The following ALPK1 variants were observed in gnomAD, a reference collection of about 807,000 sequenced individuals.
ALPK1 encodes alpha kinase 1.
A neutral mutation model predicts 120.6 loss-of-function variants in ALPK1; 110 were observed. The ratio of observed to expected loss-of-function variants is 0.91; its 90% CI spans 0.78 to 1.07. The LOEUF is 1.07. Among genes scored for constraint, ALPK1 ranks in the 50% least tolerant of loss-of-function variants. The pLI, the probability that ALPK1 is intolerant of heterozygous loss-of-function variation, is 0.00. For missense variants in ALPK1, 1,498 were observed against 1,483.9 expected, an observed-to-expected ratio of 1.01 and a Z score of -0.16; for synonymous variants, 582 against 560.3, an observed-to-expected ratio of 1.04 and a Z score of -0.55.
intron 2 of ALPK1, among the ~76,000 whole-genome samples, chr4:112,350,252 C>T (rs1730293860): frequency 6.6e-6 from 1 of 152,198 alleles, no homozygotes; most frequent in Non-Finnish European, 1.5e-5. Context: ...AATTAACTTT[C>T]CTGGCTGTGA....
At chr4:112,422,173 C>T (rs1441301605) in intron 5 of ALPK1, among the ~76,000 whole-genome samples, 5 of 152,154 alleles carry the variant, frequency 3.3e-5, no homozygotes, top group East Asian at 3.8e-4. Flanking sequence ...CTACTCAGAA[C>T]GGCACGCAAT....
At chr4:112,367,884 A>G (rs1578506374) in intron 2 of ALPK1, among the ~76,000 whole-genome samples, 1 of 152,246 alleles carries the variant, frequency 6.6e-6, no homozygotes, top group Middle Eastern at 3.4e-3. Flanking sequence ...CAAAAATTCT[A>G]TCTTCAGCTA....
chr4:112,372,836 A>T (rs1020643701), intron 2 of ALPK1, among the ~76,000 whole-genome samples: 2 of 152,172 alleles, frequency 1.3e-5, no homozygotes, highest in Middle Eastern at 3.2e-3. Context: ...TATGAGTTCA[A>T]CAAAAGACCA....
chr4:112,308,919 G>C (rs1728257862), intron 1 of ALPK1, among the ~76,000 whole-genome samples: 1 of 151,518 alleles, frequency 6.6e-6, no homozygotes, highest in Non-Finnish European at 1.5e-5. Flanking sequence ...CGTACAGATG[G>C]GGTTTTGGTG....
intron 2 of ALPK1, among the ~76,000 whole-genome samples, chr4:112,361,146 T>C (rs992486744): frequency 6.6e-6 from 1 of 151,900 alleles, no homozygotes; most frequent in Non-Finnish European, 1.5e-5. Flanking sequence ...GAGACCCACA[T>C]TTGTGAACTT....
intron 4 of ALPK1, among the ~76,000 whole-genome samples, chr4:112,405,986 T>C (rs1262614591): frequency 6.6e-6 from 1 of 151,930 alleles, no homozygotes; most frequent in African/African-American, 2.4e-5. Context: ...TTCCTAAGTA[T>C]TGGCAAAGAT....
chr4:112,327,081 A>T (rs896995338), intron 2 of ALPK1, among the ~76,000 whole-genome samples: 1 of 152,126 alleles, frequency 6.6e-6, no homozygotes, highest in African/African-American at 2.4e-5. Context: ...AGTGAGGGGG[A>T]GAGGGTAGTT....
At chr4:112,374,568 T>C (rs1731566343) in intron 2 of ALPK1, among the ~76,000 whole-genome samples, 1 of 152,202 alleles carries the variant, frequency 6.6e-6, no homozygotes, top group African/African-American at 2.4e-5. Flanking sequence ...TTAGAAGAAT[T>C]TGCTTTGCCC....
chr4:112,345,188 C>G (rs1035660559), intron 2 of ALPK1, among the ~76,000 whole-genome samples: 1 of 152,200 alleles, frequency 6.6e-6, no homozygotes, highest in African/African-American at 2.4e-5. Context: ...TTTTTATAGA[C>G]AGTGCTCATT....
chr4:112,377,422 A>G (rs1207564268), intron 2 of ALPK1, among the ~76,000 whole-genome samples: 1 of 152,170 alleles, frequency 6.6e-6, no homozygotes, highest in Non-Finnish European at 1.5e-5. Context: ...CATTTGGCCC[A>G]TGTAACTCCA....
At chr4:112,326,217 C>T (rs1157611639) in intron 2 of ALPK1, among the ~76,000 whole-genome samples, 1 of 152,178 alleles carries the variant, frequency 6.6e-6, no homozygotes, top group Non-Finnish European at 1.5e-5. Context: ...TCCATGCAAA[C>T]CTCCCTGCTA....
At chr4:112,435,013 G>A in intron 11 of ALPK1, 135 bp from the exon 12 acceptor site, 1 of 828,338 alleles carries the variant, frequency 1.2e-6, no homozygotes, top group Non-Finnish European at 1.9e-6. Context: ...TAGAAGAGAT[G>A]AAAATTAGAG....
intron 4 of ALPK1, among the ~76,000 whole-genome samples, chr4:112,395,380 G>C (rs1242737880): frequency 6.6e-6 from 1 of 152,174 alleles, no homozygotes; most frequent in Non-Finnish European, 1.5e-5. Flanking sequence ...CATAGATTTT[G>C]AATCAGTACT....
intron 1 of ALPK1, among the ~76,000 whole-genome samples, chr4:112,313,905 G>T (rs986993737): frequency 6.6e-6 from 1 of 152,112 alleles, no homozygotes; most frequent in East Asian, 1.9e-4. Flanking sequence ...AGGGAATTTT[G>T]CTAAAAAAGA....
chr4:112,339,929 G>T (rs1463077850), intron 2 of ALPK1, among the ~76,000 whole-genome samples: 1 of 152,232 alleles, frequency 6.6e-6, no homozygotes, highest in Non-Finnish European at 1.5e-5. Context: ...TAGTTGAAAA[G>T]ATTGTGGATA....
At position 112,382,473 on chromosome 4, in the gene ALPK1, G is replaced by A; in HGVS notation, c.197G>A (p.Trp66Ter). ...AAGTGGCCCTTCGTGCCTGAAAAGT[G>A]GCAGTACAAACAAGCCGTGGGCCCA... ...EMKWPFVPEK[W>*]QYKQAVGPED... The change falls in exon 4 of 16, where the codon TGG becomes TAG. Residue 66 changes from tryptophan to a stop codon, truncating the protein, a stop_gained. Transcript: ENST00000650871. LOFTEE classifies it high-confidence loss of function. The A allele has an allele frequency of 6.2e-7, 1 of 1,614,116 alleles. No individual in the cohort carries two copies. Among genetic ancestry groups the A allele is most frequent in the Admixed American group, 1.7e-5 (1 of 60,028 alleles).
chr4:112,440,289 T>A (rs753557751), intron 14 of ALPK1, among the ~76,000 whole-genome samples: 49 of 152,336 alleles, frequency 3.2e-4, no homozygotes, highest in Non-Finnish European at 5.3e-4. Flanking sequence ...GGGGTCATTA[T>A]AGAACAGAAA....
Position 112,426,492 on chromosome 4 carries a change from A to G in ALPK1, c.648A>G (p.Leu216=), listed in dbSNP as rs774736075. 221 of 1,603,916 alleles carry G rather than the reference A, an allele frequency of 1.4e-4. No individual in the cohort carries two copies. The highest frequency in any genetic ancestry group is 1.8e-4 in the Non-Finnish European group (208 of 1,176,190). Residue 216 remains leucine (L), a synonymous_variant, in exon 8 of 16, where the codon TTA becomes TTG. Coordinates refer to ENST00000650871, the MANE Select transcript of ALPK1 (RefSeq NM_025144.4). ...GGATGTGGTACGAAGCAGCAGAGTT[A>G]ATATGGGCCTCCATTGTAGGATATT... ...KLGMWYEAAE[L]IWASIVGYLA...
intron 5 of ALPK1, among the ~76,000 whole-genome samples, chr4:112,413,043 T>G (rs964665227): frequency 2.0e-5 from 3 of 152,250 alleles, no homozygotes; most frequent in Non-Finnish European, 4.4e-5. Context: ...GGTCTTGTTA[T>G]TTACTTATCT....
Sources: allele counts gnomAD v4.1 joint callset (sites outside exome capture counted in the v4.1 genomes callset), GRCh38; gene constraint gnomAD v4.1.1; transcripts MANE v1.5; gene names NCBI Gene and HGNC (gene_info 2026-07-23, HGNC 2026-07-21).